The following NUB1 variants were observed in gnomAD, a reference collection of about 807,000 sequenced individuals.
The protein encoded by NUB1 is NEDD8 ultimate buster 1.
In NUB1, 41 loss-of-function variants were observed where a neutral mutation model predicts 77.1. That is an observed-to-expected ratio of 0.53 (90% confidence interval 0.41 to 0.69). NUB1 has a LOEUF of 0.69. Ranked by LOEUF, NUB1 falls within the 30% of genes least tolerant of loss-of-function variation. The pLI, the probability that NUB1 is intolerant of heterozygous loss-of-function variation, is 0.00. For missense variants in NUB1, 643 were observed against 743.8 expected (o/e 0.86, Z 1.58); for synonymous variants, 257 against 281.0 (o/e 0.91, Z 0.85).
rs1207356395 is a variant in NUB1, at chr7:151,377,499, A to G, written c.*274A>G. On this transcript the variant is annotated 3_prime_UTR_variant, in exon 15 of 15. Transcript: ENST00000568733. ...CCAGCTTGGTGTTTTACCCCGAAAC[A>G]GGAAGGAACAGGGGTCCTGTAGAAC... The G allele has an allele frequency of 7.2e-5, 18 of 250,368 alleles. No individual in the cohort carries two copies. Among genetic ancestry groups the G allele is most frequent in the Non-Finnish European group, 1.5e-5 (2 of 130,328 alleles). The allele number at this position is 250,368 out of a possible 1,614,324, so 15.5% of individuals were successfully genotyped here. A position where few individuals can be genotyped will look rare whatever the true frequency, so the allele number is the denominator to read the frequency against.
rs563998036 is a variant in NUB1 at position 151,357,438 on chromosome 7, A to G, written c.693+1216A>G. Among the ~76,000 whole-genome samples, 5 of 151,810 alleles carry G rather than the reference A, an allele frequency of 3.3e-5. No individual in the cohort carries two copies. The East Asian group carries it at 9.9e-4, about 30-fold the overall frequency. On this transcript the variant is annotated intron_variant, in intron 7 of 14. Transcript: ENST00000568733. ...TGCACCCAGCCCCTTGGGGGCCTCT[A>G]TAGCAGCATTCTGGAACTTGGACTC...
At chr7:151,353,776 C>T (rs75066556) in intron 5 of NUB1, among the ~76,000 whole-genome samples, 76 of 152,312 alleles carry the variant, frequency 5.0e-4, no homozygotes, top group Admixed American at 4.6e-4. Flanking sequence ...GTTTCCAGTG[C>T]GTTCCTGTGG....
chr7:151,349,351 G>A (rs971143604), intron 3 of NUB1, 111 bp downstream of exon 3: 2 of 896,082 alleles, frequency 2.2e-6, no homozygotes, highest in Non-Finnish European at 3.4e-6. Context: ...TCTTTTAAGT[G>A]ACTTTACATA....
At chr7:151,370,892 G>T (rs140841499) in intron 11 of NUB1, among the ~76,000 whole-genome samples, 1 of 152,254 alleles carries the variant, frequency 6.6e-6, no homozygotes, top group African/African-American at 2.4e-5. Context: ...TTGGAAAACA[G>T]TTCTCATCAC....
At chr7:151,372,846 G>A (rs530509935) in intron 11 of NUB1, among the ~76,000 whole-genome samples, 235 of 152,270 alleles carry the variant, frequency 1.5e-3, no homozygotes, top group Non-Finnish European at 2.7e-3. Context: ...GGGGGCATGA[G>A]ACAGGCCTGG....
chr7:151,342,045 C>G (rs1000459772), intron 1 of NUB1, 199 bp downstream of exon 1: 7 of 990,358 alleles, frequency 7.1e-6, no homozygotes, highest in Non-Finnish European at 1.3e-6. Flanking sequence ...ACGCGCTGGC[C>G]GTTCGGGGCC....
At chr7:151,369,005 A>C in intron 11 of NUB1, 118 bp downstream of exon 11, 2 of 1,163,184 alleles carry the variant, frequency 1.7e-6, no homozygotes, top group Non-Finnish European at 2.3e-6. Context: ...GGAAGGAGAA[A>C]CTTGTCCTTT....
At position 151,366,993 on chromosome 7, in the gene NUB1, G is replaced by T. The variant is rs758263960; in HGVS notation, c.855G>T (p.Leu285=). 1.4e-5 allele frequency: 22 copies of T among 1,613,610 alleles called. No individual in the cohort carries two copies. The South Asian group carries it at 1.8e-4, about 13-fold the overall frequency. The change falls in exon 9 of 15, where the codon CTG becomes CTT. Residue 285 remains leucine, a synonymous_variant. Transcript: ENST00000568733. ...TGGATAACTACGCCGTCCTCCAGCT[G>T]GATATAGTGTGGTGTTACTTCCGCC... ...DTVDNYAVLQ[L]DIVWCYFRLE...
In NUB1 at chr7:151,368,853, A is replaced by C. The variant is rs1292399417; in HGVS notation, c.1214A>C (p.Asp405Ala). ...LGLRACDGNV[D>A]HAATHITNRR... ...CTGAGGGCGTGTGATGGGAACGTGG[A>C]TCATGCGGCCACTCATATTACCAAC... Residue 405 changes from aspartate to alanine, a missense_variant, in exon 11 of 15, where the codon GAT becomes GCT. Transcript: ENST00000568733. 3 of 1,613,940 alleles carry C rather than the reference A, an allele frequency of 1.9e-6. No homozygotes were observed. The highest frequency in any genetic ancestry group is 1.7e-5 in the Admixed American group (1 of 60,008).
intron 4 of NUB1, chr7:151,352,482 C>T: frequency 3.4e-6 from 1 of 295,022 alleles, no homozygotes; most frequent in Non-Finnish European, 6.5e-6. Context: ...CTTGCTCTGT[C>T]ACCCAAGCTG....
chr7:151,351,523 T>A, intron 4 of NUB1, 41 bp downstream of exon 4: 3 of 1,432,894 alleles, frequency 2.1e-6, no homozygotes, highest in Non-Finnish European at 2.9e-6. Flanking sequence ...GCTCTGGGCC[T>A]TTTTACATTG....
chr7:151,377,407 G>A lies in NUB1; in HGVS notation c.*182G>A. On this transcript the variant is annotated 3_prime_UTR_variant, in exon 15 of 15. Transcript: ENST00000568733. ...GGCCTTCATGCGTGGTCTCGGGGAAGAAGCTTCCTCTGGCCTGGCGCAGGC... is the reference window on the plus strand; with the variant it reads ...GGCCTTCATGCGTGGTCTCGGGGAAAAAGCTTCCTCTGGCCTGGCGCAGGC... The A allele has an allele frequency of 2.1e-6, 1 of 474,856 alleles. No individual in the cohort carries two copies. The highest frequency in any genetic ancestry group is 3.7e-6 in the Non-Finnish European group (1 of 270,584). 29.4% of individuals were successfully genotyped at this position (474,856 alleles called of 1,614,324 possible). A position where few individuals can be genotyped will look rare whatever the true frequency, so the allele number is the denominator to read the frequency against.
chr7:151,374,841 G>A (rs982229807), intron 12 of NUB1, among the ~76,000 whole-genome samples: 3 of 152,164 alleles, frequency 2.0e-5, no homozygotes, highest in African/African-American at 7.2e-5. Flanking sequence ...CTGCCCTCTC[G>A]GCCCCGCAGG....
intron 1 of NUB1, among the ~76,000 whole-genome samples, chr7:151,344,917 T>G (rs2994483): frequency 0.031 from 4,780 of 152,018 alleles, 265 homozygotes; most frequent in African/African-American, 0.11. Flanking sequence ...GGGGAATTGC[T>G]TGAACCCAGG....
chr7:151,344,337 G>A (rs1006770438), intron 1 of NUB1, among the ~76,000 whole-genome samples: 2 of 151,018 alleles, frequency 1.3e-5, no homozygotes, highest in Non-Finnish European at 2.9e-5. Flanking sequence ...TTGAGACGGA[G>A]TCTCACTCTG....
At chr7:151,368,714 C>T (rs774959085) in intron 10 of NUB1, 21 bp from the exon 11 acceptor site, 2 of 1,584,772 alleles carry the variant, frequency 1.3e-6, no homozygotes, top group South Asian at 1.2e-5. Context: ...TTACATGATT[C>T]TTACATTTCC....
chr7:151,368,521 C>T (rs1250449031), intron 10 of NUB1, among the ~76,000 whole-genome samples: 1 of 152,182 alleles, frequency 6.6e-6, no homozygotes, highest in East Asian at 1.9e-4. Flanking sequence ...CCTCTTACCT[C>T]GTGTTGTGCT....
intron 1 of NUB1, among the ~76,000 whole-genome samples, chr7:151,342,923 C>A (rs1796281761): frequency 6.6e-6 from 1 of 152,140 alleles, no homozygotes; most frequent in Non-Finnish European, 1.5e-5. Flanking sequence ...GATCCACTGG[C>A]CTCGGCCTCC....
At chr7:151,362,771 C>T (rs1797443323) in intron 8 of NUB1, among the ~76,000 whole-genome samples, 1 of 152,190 alleles carries the variant, frequency 6.6e-6, no homozygotes, top group South Asian at 2.1e-4. Flanking sequence ...GAGTCTTCTG[C>T]TCAGTAATGA....
Sources: gnomAD v4.1 joint callset for allele counts (sites outside exome capture counted in the v4.1 genomes callset) on GRCh38, gnomAD v4.1.1 for gene constraint, MANE v1.5 for transcripts, NCBI Gene and HGNC (gene_info 2026-07-23, HGNC 2026-07-21) for gene names.